The following TENM3 variants were observed in gnomAD, a reference collection of about 807,000 sequenced individuals.
The protein encoded by TENM3 is teneurin transmembrane protein 3, also known as teneurin-3.
A neutral mutation model predicts 255.1 loss-of-function variants in TENM3; 63 were observed. That is an observed-to-expected ratio of 0.25 (90% CI 0.20 to 0.30). The LOEUF (loss-of-function observed/expected upper bound fraction) is 0.30. Ranked by LOEUF, TENM3 falls within the 10% of genes least tolerant of loss-of-function variation. The probability of loss-of-function intolerance (pLI) is 1.00; values close to 1 mark genes in which losing one functional copy is unlikely to be tolerated. For missense variants in TENM3, 2,929 were observed against 3,461.1 expected, an observed-to-expected ratio of 0.85 and a Z score of 3.86; for synonymous variants, 1,306 against 1,322.3, an observed-to-expected ratio of 0.99 and a Z score of 0.27.
At chr4:182,534,620 A>T (rs1740108769) in intron 3 of TENM3, among the ~76,000 whole-genome samples, 1 of 152,048 alleles carries the variant, frequency 6.6e-6, no homozygotes, top group Admixed American at 6.5e-5. Context: ...GCATAGTATT[A>T]TTTTTCCTGT....
chr4:181,649,243 G>A, the TENM3 span, among the ~76,000 whole-genome samples: 8 of 152,252 alleles, frequency 5.3e-5, no homozygotes, highest in South Asian at 6.2e-4. Flanking sequence ...TTGCCAGAGC[G>A]GAGCCTCTTT....
the TENM3 span, among the ~76,000 whole-genome samples, chr4:182,027,729 T>C: frequency 6.6e-6 from 1 of 152,118 alleles, no homozygotes; most frequent in African/African-American, 2.4e-5. Context: ...AATAATCATA[T>C]TTTTTGTCCT....
chr4:181,991,206 G>T, the TENM3 span, among the ~76,000 whole-genome samples: 1 of 152,102 alleles, frequency 6.6e-6, no homozygotes, highest in Non-Finnish European at 1.5e-5. Flanking sequence ...CTCCCCTAAA[G>T]TTCAACCTCT....
chr4:182,352,720 A>G (rs1009050901), intron 3 of TENM3, among the ~76,000 whole-genome samples: 6 of 152,134 alleles, frequency 3.9e-5, no homozygotes, highest in African/African-American at 1.4e-4. Flanking sequence ...TTTTAAGTCT[A>G]CTTTCTGTAT....
chr4:182,610,873 A>G (rs1460610341), intron 4 of TENM3, among the ~76,000 whole-genome samples: 5 of 150,986 alleles, frequency 3.3e-5, no homozygotes, highest in Non-Finnish European at 7.4e-5. Context: ...CCTCCCGAGT[A>G]GCTGAGACCA....
the TENM3 span, among the ~76,000 whole-genome samples, chr4:182,054,171 T>C: frequency 5.3e-5 from 8 of 152,180 alleles, no homozygotes; most frequent in Non-Finnish European, 1.2e-4. Context: ...GGTGACACCA[T>C]ACAGAAGATG....
intron 12 of TENM3, among the ~76,000 whole-genome samples, chr4:182,702,827 T>TC (rs1322620920): frequency 1.3e-5 from 2 of 151,462 alleles, no homozygotes; most frequent in African/African-American, 4.9e-5. Flanking sequence ...AAGCTCCACC[T>TC]CCCGGGTGCA....
At chr4:181,519,802 A>T in the TENM3 span, among the ~76,000 whole-genome samples, 1 of 152,184 alleles carries the variant, frequency 6.6e-6, no homozygotes, top group East Asian at 1.9e-4. Flanking sequence ...TTTCAGTGTC[A>T]GTGCCTCTAA....
chr4:182,102,812 A>C, the TENM3 span, among the ~76,000 whole-genome samples: 3 of 152,174 alleles, frequency 2.0e-5, no homozygotes, highest in East Asian at 5.8e-4. Flanking sequence ...GATCAGGATT[A>C]TGCTTATCTC....
At chr4:181,815,225 G>T in the TENM3 span, among the ~76,000 whole-genome samples, 137 of 151,870 alleles carry the variant, frequency 9.0e-4, 2 homozygotes, top group African/African-American at 3.2e-3. Context: ...GCCAAGGGGG[G>T]CGGATCACCT....
At chr4:182,363,361 A>G (rs1344621173) in intron 3 of TENM3, among the ~76,000 whole-genome samples, 1 of 152,004 alleles carries the variant, frequency 6.6e-6, no homozygotes, top group East Asian at 1.9e-4. Flanking sequence ...GTATGTGTAT[A>G]TATTGATATA....
At chr4:181,777,870 A>G in the TENM3 span, among the ~76,000 whole-genome samples, 1 of 152,124 alleles carries the variant, frequency 6.6e-6, no homozygotes, top group African/African-American at 2.4e-5. Flanking sequence ...TTCCTCAAAG[A>G]TTAGTTGTAG....
rs1455802580 is a variant in TENM3, at chr4:182,326,328, T to C, written c.232+2076T>C. Among the ~76,000 whole-genome samples, 4 of 152,162 alleles carry C rather than the reference T, an allele frequency of 2.6e-5. No individual in the cohort carries two copies. The East Asian group carries it at 7.8e-4, about 30-fold the overall frequency. On this transcript the variant is annotated intron_variant, in intron 2 of 27. Transcript: ENST00000511685. ...CCTGGTGAGGTGGGTCCCGGTAGCG[T>C]AGTCTTTTCACAGATTGAGACGGAT...
the TENM3 span, among the ~76,000 whole-genome samples, chr4:181,757,666 G>T: frequency 6.6e-6 from 1 of 152,122 alleles, no homozygotes; most frequent in Admixed American, 6.6e-5. Flanking sequence ...CTCACATCTA[G>T]TTTGTAAAGG....
rs1394874691 is a variant in TENM3, at chr4:182,518,077, G to T, written c.512-82847G>T. ...TTTTCTTGTTCTTTTTGTTTCTGAA[G>T]CCTTGGAAGCCTTCAATTCATATTC... On this transcript the variant is annotated intron_variant, in intron 3 of 27. Coordinates refer to ENST00000511685, the MANE Select transcript of TENM3 (RefSeq NM_001080477.4). 3.9e-5 allele frequency among the ~76,000 whole-genome samples: 6 copies of T among 151,922 alleles called. No individual in the cohort carries two copies. In the East Asian group the frequency reaches 1.2e-3, roughly 29 times the overall value.
chr4:182,287,794 T>C (rs1760837301), intron 1 of TENM3, among the ~76,000 whole-genome samples: 3 of 151,542 alleles, frequency 2.0e-5, no homozygotes, highest in Admixed American at 6.6e-5. Context: ...TGTTTTCGTA[T>C]TTTTAGTAAA....
the TENM3 span, among the ~76,000 whole-genome samples, chr4:181,953,959 C>T: frequency 1.3e-5 from 2 of 152,152 alleles, no homozygotes; most frequent in Non-Finnish European, 2.9e-5. Context: ...CTGTCCTCCC[C>T]AGCAACCACA....
At chr4:181,655,681 C>G in the TENM3 span, among the ~76,000 whole-genome samples, 4 of 152,182 alleles carry the variant, frequency 2.6e-5, no homozygotes, top group African/African-American at 9.6e-5. Context: ...GGTGTTATCC[C>G]ATTAAGACCT....
At chr4:182,755,603 C>G (rs2152755564) in intron 22 of TENM3, among the ~76,000 whole-genome samples, 1 of 152,170 alleles carries the variant, frequency 6.6e-6, no homozygotes, top group East Asian at 1.9e-4. Flanking sequence ...CTTTGGGAGG[C>G]CGAGGCGGGC....
Sources: allele counts gnomAD v4.1 joint callset (sites outside exome capture counted in the v4.1 genomes callset), GRCh38; gene constraint gnomAD v4.1.1; transcripts MANE v1.5; gene names NCBI Gene and HGNC (gene_info 2026-07-23, HGNC 2026-07-21).